Variants in RCOR1 observed in about 807,000 individuals in gnomAD.
RCOR1 encodes REST corepressor.
Under a neutral mutation model 64.0 loss-of-function variants are expected in RCOR1, and 12 were observed. The ratio of observed to expected loss-of-function variants is 0.19; its 90% CI spans 0.12 to 0.30. The LOEUF (loss-of-function observed/expected upper bound fraction) is 0.30. Ranked by LOEUF, RCOR1 falls within the 10% of genes least tolerant of loss-of-function variation. The probability of loss-of-function intolerance (pLI) is 1.00; values close to 1 mark genes in which losing one functional copy is unlikely to be tolerated. For synonymous variants in RCOR1, 279 were observed against 227.2 expected, an observed-to-expected ratio of 1.23 and a Z score of -2.05; for missense variants, 502 against 621.2, an observed-to-expected ratio of 0.81 and a Z score of 2.04.
chr14:102,654,058 TCA>T (rs1198528836), intron 2 of RCOR1, among the ~76,000 whole-genome samples: 1 of 140,690 alleles, frequency 7.1e-6, no homozygotes, highest in Non-Finnish European at 1.5e-5. Flanking sequence ...CGATCTCCAC[TCA>T]CTGCAAGCTC....
intron 2 of RCOR1, among the ~76,000 whole-genome samples, chr14:102,654,735 A>G (rs1595214553): frequency 2.0e-5 from 3 of 150,738 alleles, no homozygotes; most frequent in Admixed American, 2.0e-4. Flanking sequence ...TTAAAAAAAG[A>G]AAAAAAATAT....
At chr14:102,630,046 T>C (rs1595202249) in intron 2 of RCOR1, 1 of 949,966 alleles carries the variant, frequency 1.1e-6, no homozygotes, top group East Asian at 1.2e-4. Flanking sequence ...TGCTATAGTT[T>C]GGATGTGGTT....
intron 2 of RCOR1, among the ~76,000 whole-genome samples, chr14:102,620,527 G>T (rs1383534721): frequency 6.6e-6 from 1 of 152,046 alleles, no homozygotes; most frequent in Admixed American, 6.6e-5. Context: ...AGATCGTGCC[G>T]TTGTACTTCA....
In RCOR1 at chr14:102,627,960, G is replaced by GGTGTGTGTGTGT. The variant is rs3069199; in HGVS notation, c.361+34646_361+34657dup. Among the ~76,000 whole-genome samples, 706 of 149,064 alleles carry GGTGTGTGTGTGT rather than the reference G, an allele frequency of 4.7e-3. 5 individuals carry two copies. Among genetic ancestry groups the GGTGTGTGTGTGT allele is most frequent in the African/African-American group, 0.014 (567 of 40,764 alleles). ...TTTATATATGCATAAATTTAAAAGG[G>GGTGTGTGTGTGT]GTGTGTGTGTGTGTGTGTGTGTAAA... On this transcript the variant is annotated intron_variant, in intron 2 of 11. Transcript: ENST00000262241.
intron 2 of RCOR1, among the ~76,000 whole-genome samples, chr14:102,636,641 C>T (rs1312495029): frequency 1.3e-5 from 2 of 151,914 alleles, no homozygotes; most frequent in African/African-American, 4.8e-5. Context: ...TATTTTTTAC[C>T]TTCACCCGTT....
chr14:102,641,370 C>A (rs143509870), intron 2 of RCOR1, among the ~76,000 whole-genome samples: 1,542 of 152,136 alleles, frequency 0.01, 16 homozygotes, highest in Admixed American at 0.015. Context: ...GAGGCTGAGG[C>A]GGGTGGATCA....
At position 102,592,883 on chromosome 14, in the gene RCOR1, G is replaced by A. The variant is rs1057881; in HGVS notation, c.-4G>A. 0.62 allele frequency: 757,282 copies of A among 1,219,400 alleles called. 239,380 individuals carry two copies. The highest frequency in any genetic ancestry group is 0.7 in the South Asian group (25,819 of 36,746). 75.5% of individuals were successfully genotyped at this position (1,219,400 alleles called of 1,614,324 possible). A position where few individuals can be genotyped will look rare whatever the true frequency, so the allele number is the denominator to read the frequency against. On this transcript the variant is annotated 5_prime_UTR_variant, in exon 1 of 12. Transcript: ENST00000262241. The stretch of plus-strand genomic sequence containing the variant: ...CCACTTTCGCACGGCCCCGGCCCCC[G>A]CCGATGCCGGCCATGGTGGAGAAGG...
chr14:102,619,473 CTTTTTTTTTTTTTT>C (rs35488660), intron 2 of RCOR1, among the ~76,000 whole-genome samples: 10 of 131,180 alleles, frequency 7.6e-5, no homozygotes, highest in Admixed American at 2.4e-4. Context: ...TCTATCTAAT[CTTTTTTTTTTTTTT>C]TTTTTTTTTT....
chr14:102,618,485 A>G (rs1893808517), intron 2 of RCOR1, among the ~76,000 whole-genome samples: 1 of 151,948 alleles, frequency 6.6e-6, no homozygotes, highest in African/African-American at 2.4e-5. Flanking sequence ...GCATATACCT[A>G]TAGTCTCAGC....
intron 2 of RCOR1, among the ~76,000 whole-genome samples, chr14:102,676,357 C>A (rs1895154407): frequency 1.4e-5 from 2 of 144,820 alleles, no homozygotes; most frequent in South Asian, 2.2e-4. Flanking sequence ...CCCCACCACC[C>A]TCCCGGACGG....
At chr14:102,626,118 C>T (rs905451216) in intron 2 of RCOR1, among the ~76,000 whole-genome samples, 4 of 152,184 alleles carry the variant, frequency 2.6e-5, no homozygotes, top group Non-Finnish European at 2.9e-5. Flanking sequence ...TCCATCATGA[C>T]GTCAGTTCAT....
intron 2 of RCOR1, chr14:102,657,054 C>T (rs888691714): frequency 1.8e-5 from 18 of 977,082 alleles, no homozygotes; most frequent in East Asian, 1.1e-4. Flanking sequence ...GGATTATAAG[C>T]GTGAATCACT....
At chr14:102,621,565 T>C (rs1893874809) in intron 2 of RCOR1, among the ~76,000 whole-genome samples, 1 of 152,110 alleles carries the variant, frequency 6.6e-6, no homozygotes, top group Admixed American at 6.6e-5. Flanking sequence ...CCTGCTTTAC[T>C]ATTTCATTTT....
chr14:102,684,870 T>G (rs1297776714), intron 3 of RCOR1, among the ~76,000 whole-genome samples: 2 of 152,232 alleles, frequency 1.3e-5, no homozygotes, highest in Non-Finnish European at 2.9e-5. Context: ...TGTAATACTT[T>G]ATTACATGGA....
intron 2 of RCOR1, among the ~76,000 whole-genome samples, chr14:102,669,651 G>A (rs1427464154): frequency 2.0e-5 from 3 of 152,132 alleles, no homozygotes; most frequent in Non-Finnish European, 4.4e-5. Context: ...TCATCTCTCT[G>A]TGCTTTAATT....
intron 2 of RCOR1, among the ~76,000 whole-genome samples, chr14:102,634,864 T>G (rs892125242): frequency 6.8e-6 from 1 of 146,688 alleles, no homozygotes; most frequent in African/African-American, 2.6e-5. Flanking sequence ...GCCTGGCTAA[T>G]TTTTGTATTT....
intron 2 of RCOR1, among the ~76,000 whole-genome samples, chr14:102,619,411 C>G (rs958258725): frequency 6.6e-6 from 1 of 150,570 alleles, no homozygotes; most frequent in African/African-American, 2.4e-5. Context: ...TGAGCCACCC[C>G]ACCTGGCCCA....
chr14:102,593,139 A>C lies in RCOR1; in HGVS notation c.253A>C (p.Asn85His). The C allele has an allele frequency of 6.6e-7, 1 of 1,526,032 alleles. No homozygotes were observed. Among genetic ancestry groups the C allele is most frequent in the Non-Finnish European group, 8.8e-7 (1 of 1,142,282 alleles). The allele number at this position is 1,526,032 out of a possible 1,614,324, so 94.5% of individuals were successfully genotyped here. ...AAAPNGNSSS[N>H]SWEEGSSGSS... ...GGCGCCCAATGGCAACAGCAGCAGC[A>C]ACTCCTGGGAGGAAGGCAGCTCGGG... is the stretch of plus-strand genomic sequence containing the variant. The change falls in exon 1 of 12, where the codon AAC (asparagine) becomes CAC (histidine). Residue 85 changes from asparagine (N) to histidine (H), a missense_variant. Asn to His is a moderately conservative substitution (Grantham distance 68, BLOSUM62 1). Transcript: ENST00000262241.
At chr14:102,632,218 G>GTT (rs58663777) in intron 2 of RCOR1, among the ~76,000 whole-genome samples, 5 of 130,464 alleles carry the variant, frequency 3.8e-5, no homozygotes, top group East Asian at 2.2e-4. Context: ...CGTTTGTTGG[G>GTT]TTTTTTTTTT....
Sources: gnomAD v4.1 joint callset for allele counts (sites outside exome capture counted in the v4.1 genomes callset) on GRCh38, gnomAD v4.1.1 for gene constraint, MANE v1.5 for transcripts, NCBI Gene and HGNC (gene_info 2026-07-23, HGNC 2026-07-21) for gene names.